The following MBD5 variants were observed in gnomAD, a reference collection of about 807,000 sequenced individuals.
MBD5 encodes the protein methyl-CpG binding domain protein 5.
Under a neutral mutation model 117.3 loss-of-function variants are expected in MBD5, and 13 were observed. The observed-to-expected ratio is 0.11, with a 90% CI of 0.07 to 0.18. The LOEUF (loss-of-function observed/expected upper bound fraction) is 0.18, where lower values mean the gene tolerates loss of function less well. MBD5 is among the 10% of genes least tolerant of loss of function. The probability of loss-of-function intolerance (pLI) is 1.00; values close to 1 mark genes in which losing one functional copy is unlikely to be tolerated. For missense variants in MBD5, 1,879 were observed against 2,093.8 expected (o/e 0.90, Z 2.00); for synonymous variants, 727 against 766.4 (o/e 0.95, Z 0.85).
At position 148,233,356 on chromosome 2, in the gene MBD5, A is replaced by G. The variant is rs1186496409; in HGVS notation, c.-719A>G. ...CATCAAACACAGAGGAATGACCACC[A>G]TGGCAGATGGCAACAGAGGATGTCA... On this transcript the variant is annotated 5_prime_UTR_variant, in exon 3 of 14. An upstream start codon of the reference 5' UTR is lost. Transcript: ENST00000642680. The G allele has an allele frequency of 6.6e-6, 1 of 152,174 alleles. No homozygotes were observed. Among genetic ancestry groups the G allele is most frequent in the Non-Finnish European group, 1.5e-5 (1 of 68,012 alleles). The allele number at this position is 152,174 out of a possible 1,614,324, so 9.4% of individuals were successfully genotyped here.
In MBD5 at chr2:148,468,510, CCAA is replaced by C; in HGVS notation, c.574_576del (p.Gln192del). 1 of 1,613,830 alleles carries C rather than the reference CCAA, an allele frequency of 6.2e-7. No homozygotes were observed. Among genetic ancestry groups the C allele is most frequent in the South Asian group, 1.1e-5 (1 of 91,084 alleles). On this transcript the variant is annotated inframe_deletion, in exon 8 of 14. Transcript: ENST00000642680. Reference sequence around the variant, plus strand: ...TATATGTACAAGAACTGCCTGGAAGCCAACAACAAGAACTCCACCCTGTCTACC... The same window carrying C: ...TATATGTACAAGAACTGCCTGGAAGCCAACAAGAACTCCACCCTGTCTACC...
intron 4 of MBD5, among the ~76,000 whole-genome samples, chr2:148,352,478 A>G (rs747093068): frequency 6.6e-6 from 1 of 151,988 alleles, no homozygotes; most frequent in African/African-American, 2.4e-5. Context: ...TTCCATCACC[A>G]CAAGGGTCCC....
intron 1 of MBD5, chr2:148,027,917 A>G (rs1366561289): frequency 1.3e-5 from 2 of 152,110 alleles, no homozygotes; most frequent in Non-Finnish European, 2.9e-5. Flanking sequence ...TAATTTCTTT[A>G]AACAACCCAA....
chr2:148,310,138 A>G (rs759188538), intron 3 of MBD5, among the ~76,000 whole-genome samples: 7 of 152,156 alleles, frequency 4.6e-5, no homozygotes, highest in Non-Finnish European at 8.8e-5. Context: ...AGGTTTTTGT[A>G]TCAGAGTGAT....
At chr2:148,438,754 C>G (rs1364787672) in intron 4 of MBD5, among the ~76,000 whole-genome samples, 3 of 152,146 alleles carry the variant, frequency 2.0e-5, no homozygotes, top group African/African-American at 7.2e-5. Flanking sequence ...AGCCCACCAA[C>G]ATGTAGTTCT....
At chr2:148,476,056 A>G (rs1306032240) in intron 8 of MBD5, among the ~76,000 whole-genome samples, 4 of 152,204 alleles carry the variant, frequency 2.6e-5, no homozygotes, top group African/African-American at 7.2e-5. Flanking sequence ...TTGCTGAGGT[A>G]TTCCTGGGGT....
Position 148,414,815 on chromosome 2 carries a change from A to G in MBD5, c.-556-43388A>G, listed in dbSNP as rs557654582. Among the ~76,000 whole-genome samples the G allele has an allele frequency of 4.6e-5, 7 of 152,176 alleles. No homozygotes were observed. The South Asian group carries it at 1.2e-3, about 27-fold the overall frequency. ...TTTTTCTGTTTTCTAATATCTTGGTAGATTTTTTTCCATCCCTTTACTTTG... is the reference window on the plus strand; with the variant it reads ...TTTTTCTGTTTTCTAATATCTTGGTGGATTTTTTTCCATCCCTTTACTTTG... On this transcript the variant is annotated intron_variant, in intron 4 of 13. Coordinates refer to ENST00000642680, the MANE Select transcript of MBD5 (RefSeq NM_001378120.1).
At chr2:148,495,008 G>A (rs1681657958) in intron 11 of MBD5, among the ~76,000 whole-genome samples, 1 of 152,042 alleles carries the variant, frequency 6.6e-6, no homozygotes, top group South Asian at 2.1e-4. Flanking sequence ...GTACACTCTG[G>A]GAGATAGTTA....
At position 148,470,061 on chromosome 2, in the gene MBD5, G is replaced by A; in HGVS notation, c.2118G>A (p.Gln706=). Reference sequence around the variant, plus strand: ...TCAGTTCAATGTCTCAGTTACTACAGTCTATGAGTTGTCAAAGCTCTCACT... The same window carrying A: ...TCAGTTCAATGTCTCAGTTACTACAATCTATGAGTTGTCAAAGCTCTCACT... ...FPISSMSQLL[Q]SMSCQSSHLS... Residue 706 remains glutamine (Q), a synonymous_variant, in exon 8 of 14, where the codon CAG becomes CAA. Coordinates refer to ENST00000642680, the MANE Select transcript of MBD5 (RefSeq NM_001378120.1). 1 of 1,613,904 alleles carries A rather than the reference G, an allele frequency of 6.2e-7. No individual in the cohort carries two copies. Among genetic ancestry groups the A allele is most frequent in the Non-Finnish European group, 8.5e-7 (1 of 1,179,886 alleles).
chr2:148,286,544 C>T (rs530474915), intron 3 of MBD5, among the ~76,000 whole-genome samples: 48 of 152,298 alleles, frequency 3.2e-4, no homozygotes, highest in African/African-American at 1.1e-3. Context: ...ATTTTATAAA[C>T]AAAGATTGCA....
intron 3 of MBD5, among the ~76,000 whole-genome samples, chr2:148,279,328 G>A (rs1332985345): frequency 1.3e-5 from 2 of 152,304 alleles, no homozygotes; most frequent in East Asian, 3.9e-4. Context: ...TACTAGGAAG[G>A]TCAAGTCGGC....
At chr2:148,151,230 G>A (rs1413763299) in intron 1 of MBD5, among the ~76,000 whole-genome samples, 5 of 151,954 alleles carry the variant, frequency 3.3e-5, no homozygotes, top group African/African-American at 1.2e-4. Flanking sequence ...CTCTGTTTAT[G>A]TGCTGGATTA....
intron 4 of MBD5, among the ~76,000 whole-genome samples, chr2:148,378,950 T>C (rs1202335558): frequency 6.6e-6 from 1 of 151,976 alleles, no homozygotes; most frequent in Non-Finnish European, 1.5e-5. Flanking sequence ...TTGAGAGAGA[T>C]TTTTTAAATG....
At chr2:148,275,374 G>T (rs1457499855) in intron 3 of MBD5, among the ~76,000 whole-genome samples, 1 of 152,114 alleles carries the variant, frequency 6.6e-6, no homozygotes, top group South Asian at 2.1e-4. Context: ...GTTCTCCAGA[G>T]AAACAAAATT....
At chr2:148,218,690 G>A (rs1699614113) in intron 2 of MBD5, among the ~76,000 whole-genome samples, 1 of 152,184 alleles carries the variant, frequency 6.6e-6, no homozygotes, top group South Asian at 2.1e-4. Context: ...ACAAACCTGT[G>A]CAGCATATTA....
chr2:148,131,178 C>T (rs1040008996), intron 1 of MBD5, among the ~76,000 whole-genome samples: 1 of 152,158 alleles, frequency 6.6e-6, no homozygotes, highest in African/African-American at 2.4e-5. Context: ...TTTGAAAGCA[C>T]TTATTTTCCT....
At chr2:148,196,650 A>G (rs1698996373) in intron 2 of MBD5, among the ~76,000 whole-genome samples, 1 of 152,152 alleles carries the variant, frequency 6.6e-6, no homozygotes, top group African/African-American at 2.4e-5. Flanking sequence ...GTCTTTTATG[A>G]AATGCAAGAA....
intron 4 of MBD5, among the ~76,000 whole-genome samples, chr2:148,371,427 T>A (rs553286040): frequency 1.6e-4 from 24 of 152,228 alleles, no homozygotes; most frequent in African/African-American, 5.5e-4. Context: ...TTGTAACATA[T>A]TAAAAAAAGA....
intron 1 of MBD5, among the ~76,000 whole-genome samples, chr2:148,105,107 C>T (rs1696334473): frequency 6.6e-6 from 1 of 151,822 alleles, no homozygotes; most frequent in African/African-American, 2.4e-5. Flanking sequence ...AGGAATTTGT[C>T]CATTTCATCT....
Sources: gnomAD v4.1 joint callset for allele counts (sites outside exome capture counted in the v4.1 genomes callset) on GRCh38, gnomAD v4.1.1 for gene constraint, MANE v1.5 for transcripts, NCBI Gene and HGNC (gene_info 2026-07-23, HGNC 2026-07-21) for gene names.